The following PCDHGA1 variants were observed in gnomAD, a reference collection of about 807,000 sequenced individuals.
PCDHGA1 encodes protocadherin gamma subfamily A, 1.
In PCDHGA1, 32 loss-of-function variants were observed where a neutral mutation model predicts 58.0. The observed-to-expected ratio is 0.55, with a 90% CI of 0.42 to 0.74. The LOEUF (loss-of-function observed/expected upper bound fraction) is 0.74. Ranked by LOEUF, PCDHGA1 falls within the 30% of genes least tolerant of loss-of-function variation. The probability of loss-of-function intolerance (pLI) is 0.00; values close to 1 mark genes in which losing one functional copy is unlikely to be tolerated. For synonymous variants in PCDHGA1, 498 were observed against 501.1 expected, an observed-to-expected ratio of 0.99 and a Z score of 0.08; for missense variants, 1,205 against 1,182.3, an observed-to-expected ratio of 1.02 and a Z score of -0.28.
At chr5:141,371,281 G>A in intron 1 of PCDHGA1, 1 of 1,614,034 alleles carries the variant, frequency 6.2e-7, no homozygotes, top group Non-Finnish European at 8.5e-7. Context: ...AAGCTGGACA[G>A]TAAAACGGGG....
At chr5:141,410,858 T>A in intron 1 of PCDHGA1, 1 of 436,188 alleles carries the variant, frequency 2.3e-6, no homozygotes, top group Non-Finnish European at 3.8e-6. Context: ...TCTTTTTTTT[T>A]TTTTTTTTTT....
rs758481930 is a variant in PCDHGA1, at chr5:141,357,482, C to G, written c.2421+24377C>G. 5 of 1,614,236 alleles carry G rather than the reference C, an allele frequency of 3.1e-6. No individual in the cohort carries two copies. The South Asian group carries it at 4.4e-5, about 14-fold the overall frequency. ...TATTCCCACGAGGTCTCCCTCACCG[C>G]GGACTCGCGGAAGAGTCACCTGATC... is the stretch of plus-strand genomic sequence containing the variant. On this transcript the variant is annotated intron_variant, in intron 1 of 3. Transcript: ENST00000517417.
At chr5:141,470,723 G>T (rs1326927605) in intron 1 of PCDHGA1, among the ~76,000 whole-genome samples, 1 of 151,852 alleles carries the variant, frequency 6.6e-6, no homozygotes, top group East Asian at 1.9e-4. Flanking sequence ...TTTGAGTCAG[G>T]GTCTTGCTCT....
chr5:141,338,934 C>G, intron 1 of PCDHGA1: 1 of 1,521,964 alleles, frequency 6.6e-7, no homozygotes, highest in Non-Finnish European at 8.8e-7. Flanking sequence ...GCACTGGATG[C>G]TGGAAGTTGA....
At position 141,365,518 on chromosome 5, in the gene PCDHGA1, G is replaced by T. The variant is rs1763970946; in HGVS notation, c.2421+32413G>T. 5 of 1,613,870 alleles carry T rather than the reference G, an allele frequency of 3.1e-6. No individual in the cohort carries two copies. The Middle Eastern group carries it at 4.9e-4, about 160-fold the overall frequency. On this transcript the variant is annotated intron_variant, in intron 1 of 3. Transcript: ENST00000517417. The stretch of plus-strand genomic sequence containing the variant: ...GGAATTTGCCTTTTAAATTGGAGAA[G>T]TCAGTTGATAATTACTATCACCTAT...
At chr5:141,364,914 T>A (rs745343647) in intron 1 of PCDHGA1, 1 of 1,613,936 alleles carries the variant, frequency 6.2e-7, no homozygotes, top group Non-Finnish European at 8.5e-7. Flanking sequence ...CCGGAGCTGG[T>A]GTTGGAACAG....
chr5:141,410,455 T>G (rs2095396076), intron 1 of PCDHGA1: 3 of 1,613,914 alleles, frequency 1.9e-6, no homozygotes, highest in African/African-American at 2.7e-5. Flanking sequence ...TGCCTTATTC[T>G]TATAATCTGT....
chr5:141,362,346 TG>T (rs759838965), intron 1 of PCDHGA1: 3 of 1,614,088 alleles, frequency 1.9e-6, no homozygotes, highest in Non-Finnish European at 2.5e-6. Context: ...AGCCTGGACC[TG>T]GGGTTCTCCC....
At chr5:141,387,637 G>C in intron 1 of PCDHGA1, 1 of 603,262 alleles carries the variant, frequency 1.7e-6, no homozygotes, top group Non-Finnish European at 2.8e-6. Flanking sequence ...GGGCGCCGCT[G>C]TTGGCCAAAG....
intron 1 of PCDHGA1, chr5:141,350,607 T>A (rs1758516566): frequency 1.9e-6 from 3 of 1,614,050 alleles, no homozygotes; most frequent in Non-Finnish European, 2.5e-6. Flanking sequence ...GTTTTCCACG[T>A]GGTTGTTGTA....
rs1408799959 is a variant in PCDHGA1, at chr5:141,345,390, C to T, written c.2421+12285C>T. ...CATCAATGACAACCCACCCACCTTC[C>T]CTCATTTATCCTACTCCGCCTACAT... On this transcript the variant is annotated intron_variant, in intron 1 of 3. Transcript: ENST00000517417. 10 of 1,614,144 alleles carry T rather than the reference C, an allele frequency of 6.2e-6. 1 individual carries two copies. The South Asian group carries it at 9.9e-5, about 16-fold the overall frequency.
At chr5:141,389,766 C>G in intron 1 of PCDHGA1, 1 of 1,613,060 alleles carries the variant, frequency 6.2e-7, no homozygotes, top group Non-Finnish European at 8.5e-7. Flanking sequence ...GCGCACAGCG[C>G]GTGCCTTAGG....
At chr5:141,394,430 C>G in intron 1 of PCDHGA1, 2 of 1,614,244 alleles carry the variant, frequency 1.2e-6, no homozygotes, top group Non-Finnish European at 1.7e-6. Flanking sequence ...ACAGCGGGGA[C>G]CCGCCCCTCA....
chr5:141,376,633 G>T, intron 1 of PCDHGA1: 15 of 913,104 alleles, frequency 1.6e-5, no homozygotes, highest in East Asian at 3.6e-5. Flanking sequence ...GAAGATTCGT[G>T]ATTTTGTAAA....
At chr5:141,435,391 A>C (rs1328617100) in intron 1 of PCDHGA1, among the ~76,000 whole-genome samples, 5 of 152,202 alleles carry the variant, frequency 3.3e-5, no homozygotes, top group African/African-American at 1.2e-4. Flanking sequence ...CCGTATTGCC[A>C]TGACGAAAAA....
intron 1 of PCDHGA1, chr5:141,384,950 C>G: frequency 6.2e-7 from 1 of 1,614,122 alleles, no homozygotes; most frequent in East Asian, 2.2e-5. Flanking sequence ...TCCGACGGTC[C>G]TTACAACTAT....
intron 1 of PCDHGA1, chr5:141,419,030 C>G (rs1178461733): frequency 5.0e-6 from 8 of 1,613,768 alleles, no homozygotes; most frequent in Non-Finnish European, 6.8e-6. Context: ...TAGAGGTGTT[C>G]CATTTAAGAT....
intron 1 of PCDHGA1, among the ~76,000 whole-genome samples, chr5:141,435,105 G>C (rs1046201852): frequency 2.6e-5 from 4 of 151,940 alleles, no homozygotes; most frequent in African/African-American, 9.7e-5. Flanking sequence ...TATCTAGGGG[G>C]GAGAAATCTA....
intron 1 of PCDHGA1, among the ~76,000 whole-genome samples, chr5:141,451,391 T>C (rs928399948): frequency 6.6e-6 from 1 of 152,162 alleles, no homozygotes; most frequent in Non-Finnish European, 1.5e-5. Context: ...ACATAGTTAA[T>C]GGCAAAATTA....
Sources: gnomAD v4.1 joint callset for allele counts (sites outside exome capture counted in the v4.1 genomes callset) on GRCh38, gnomAD v4.1.1 for gene constraint, MANE v1.5 for transcripts, NCBI Gene and HGNC (gene_info 2026-07-23, HGNC 2026-07-21) for gene names.